The following ATP11B variants were observed in gnomAD, a reference collection of about 807,000 sequenced individuals.
The protein encoded by ATP11B is phospholipid-transporting ATPase IF.
In ATP11B, 81 loss-of-function variants were observed where a neutral mutation model predicts 157.8. That is an observed-to-expected ratio of 0.51 (90% CI 0.43 to 0.62). The LOEUF (loss-of-function observed/expected upper bound fraction) is 0.62. Among genes scored for constraint, ATP11B ranks in the 20% least tolerant of loss-of-function variants. The pLI is 0.00. For missense variants in ATP11B, 1,165 were observed against 1,402.2 expected (o/e 0.83, Z 2.70); for synonymous variants, 451 against 469.4 (o/e 0.96, Z 0.51).
chr3:182,819,873 G>T (rs546507427), intron 1 of ATP11B, among the ~76,000 whole-genome samples: 2 of 152,292 alleles, frequency 1.3e-5, no homozygotes, highest in African/African-American at 4.8e-5. Context: ...AAGGAATGCA[G>T]TAGGGATAGA....
chr3:182,847,788 T>C (rs1247082883), intron 9 of ATP11B, among the ~76,000 whole-genome samples: 1 of 152,188 alleles, frequency 6.6e-6, no homozygotes, highest in Non-Finnish European at 1.5e-5. Flanking sequence ...CAGAAATTAC[T>C]TACCCGAGGA....
Position 182,827,741 on chromosome 3 carries a change from T to A in ATP11B, c.145-379T>A, listed in dbSNP as rs78254315. Among the ~76,000 whole-genome samples, 1,392 of 152,008 alleles carry A rather than the reference T, an allele frequency of 9.2e-3. 23 individuals are homozygous for A. The highest frequency in any genetic ancestry group is 0.032 in the African/African-American group (1,330 of 41,486). On this transcript the variant is annotated intron_variant, in intron 2 of 29. Coordinates refer to ENST00000323116, the MANE Select transcript of ATP11B (RefSeq NM_014616.3). ...ATATAAATTGTATCTAGTATCTGCA[T>A]TTCTATCAACTCATATTTATCTTTA...
At chr3:182,863,462 A>C (rs942621100) in intron 12 of ATP11B, among the ~76,000 whole-genome samples, 7 of 151,960 alleles carry the variant, frequency 4.6e-5, no homozygotes, top group African/African-American at 1.7e-4. Flanking sequence ...GTCTTTAAGA[A>C]ACTTCTGGTG....
In ATP11B at chr3:182,797,541, C is replaced by G. The variant is rs1023543178; in HGVS notation, c.27+3755C>G. Among the ~76,000 whole-genome samples, 5 of 152,176 alleles carry G rather than the reference C, an allele frequency of 3.3e-5. No homozygotes were observed. In the South Asian group the frequency reaches 1.0e-3, roughly 32 times the overall value. ...TGGCCAACATGGTGAAACCTCATCTCTACTAAAAATCCGAAAATTTGCCTG... is the reference window on the plus strand; with the variant it reads ...TGGCCAACATGGTGAAACCTCATCTGTACTAAAAATCCGAAAATTTGCCTG... On this transcript the variant is annotated intron_variant, in intron 1 of 29. Coordinates refer to ENST00000323116, the MANE Select transcript of ATP11B (RefSeq NM_014616.3).
intron 17 of ATP11B, among the ~76,000 whole-genome samples, chr3:182,869,717 A>G (rs1232293111): frequency 6.6e-6 from 1 of 152,258 alleles, no homozygotes; most frequent in Non-Finnish European, 1.5e-5. Context: ...AAAGGTAAAC[A>G]TTGAGTTACT....
At position 182,898,721 on chromosome 3, in the gene ATP11B, A is replaced by T. The variant is rs760923830; in HGVS notation, c.3267A>T (p.Ile1089=). 1 of 1,596,346 alleles carries T rather than the reference A, an allele frequency of 6.3e-7. No homozygotes were observed. The highest frequency in any genetic ancestry group is 8.5e-7 in the Non-Finnish European group (1 of 1,171,500). The change falls in exon 28 of 30, where the codon ATA becomes ATT. Residue 1089 remains isoleucine (I), a synonymous_variant. Transcript: ENST00000323116. ...TTACATGTCTATTTCTTGATATCATAAAGAAGGTCTTTGACCGACACCTCC... is the reference window on the plus strand; with the variant it reads ...TTACATGTCTATTTCTTGATATCATTAAGAAGGTCTTTGACCGACACCTCC... ...MVVTCLFLDI[I]KKVFDRHLHP...
At chr3:182,882,844 C>T (rs958281802) in intron 21 of ATP11B, among the ~76,000 whole-genome samples, 3 of 151,994 alleles carry the variant, frequency 2.0e-5, no homozygotes, top group Non-Finnish European at 2.9e-5. Context: ...ATAAGAAAAA[C>T]GTTCCAGTAG....
intron 7 of ATP11B, 98 bp from the exon 8 acceptor site, chr3:182,841,977 C>CAAAAAAAAAAAAAAAAAAAAAAAAAA (rs11401208): frequency 3.0e-6 from 1 of 330,608 alleles, no homozygotes; most frequent in Non-Finnish European, 5.0e-6. Context: ...AGACTCGTCT[C>CAAAAAAAAAAAAAAAAAAAAAAAAAA]AAAAAAAAAA....
intron 28 of ATP11B, chr3:182,908,361 A>G (rs887848687): frequency 6.6e-6 from 1 of 151,594 alleles, no homozygotes; most frequent in African/African-American, 2.4e-5. Flanking sequence ...ACACGCAGCT[A>G]ATTTTTGTAT....
chr3:182,898,635 T>G lies in ATP11B; in HGVS notation c.3181T>G (p.Phe1061Val). Residue 1061 changes from phenylalanine (F) to valine (V), a missense_variant, in exon 28 of 30, where the codon TTT becomes GTT. By Grantham distance (50) the Phe-to-Val change is conservative. Transcript: ENST00000323116. ...WPFLGSQNMY[F>V]VFIQLLSSGS... The stretch of plus-strand genomic sequence containing the variant: ...ATTTTTGGGCTCCCAGAATATGTAT[T>G]TTGTGTTTATTCAGCTCCTGTCAAG... 1 of 1,605,524 alleles carries G rather than the reference T, an allele frequency of 6.2e-7. No homozygotes were observed. Among genetic ancestry groups the G allele is most frequent in the Non-Finnish European group, 8.5e-7 (1 of 1,176,288 alleles).
At chr3:182,837,702 TATTC>T (rs1718662391) in intron 7 of ATP11B, among the ~76,000 whole-genome samples, 1 of 152,072 alleles carries the variant, frequency 6.6e-6, no homozygotes, top group Non-Finnish European at 1.5e-5. Context: ...CAGAAACTAT[TATTC>T]ATCTTATTAT....
intron 10 of ATP11B, among the ~76,000 whole-genome samples, chr3:182,857,641 A>T (rs572638532): frequency 6.6e-6 from 1 of 152,152 alleles, no homozygotes; most frequent in African/African-American, 2.4e-5. Flanking sequence ...AACATTTTTA[A>T]TGGTAACATG....
intron 28 of ATP11B, chr3:182,906,044 T>A (rs1724326559): frequency 3.1e-6 from 1 of 321,008 alleles, no homozygotes; most frequent in Non-Finnish European, 6.3e-6. Context: ...TCCTCATATG[T>A]TGTTTTAGTT....
chr3:182,831,645 T>G (rs1200823539), intron 4 of ATP11B, among the ~76,000 whole-genome samples: 1 of 151,964 alleles, frequency 6.6e-6, no homozygotes, highest in Non-Finnish European at 1.5e-5. Flanking sequence ...GTAAGCATGC[T>G]CCTATCTCAA....
intron 21 of ATP11B, among the ~76,000 whole-genome samples, chr3:182,884,133 G>A (rs1722638534): frequency 6.6e-6 from 1 of 151,736 alleles, no homozygotes; most frequent in Admixed American, 6.6e-5. Context: ...TAAAAACTTG[G>A]CAATGACTCT....
At chr3:182,859,130 T>C (rs1720639737) in intron 11 of ATP11B, 32 bp from the exon 12 acceptor site, 1 of 1,515,244 alleles carries the variant, frequency 6.6e-7, no homozygotes, top group Non-Finnish European at 9.0e-7. Context: ...AGTTTATTTT[T>C]TCTTTTCAAA....
chr3:182,903,340 T>G (rs1314606974), intron 28 of ATP11B, among the ~76,000 whole-genome samples: 3 of 152,164 alleles, frequency 2.0e-5, no homozygotes, highest in East Asian at 3.8e-4. Context: ...TTTAAATTAT[T>G]TTTTATTCTC....
In ATP11B at chr3:182,846,298, GA is replaced by G. The variant is rs78436523; in HGVS notation, c.769+789del. 8.2e-3 allele frequency among the ~76,000 whole-genome samples: 1,125 copies of G among 137,292 alleles called. 11 individuals are homozygous for G. The highest frequency in any genetic ancestry group is 0.027 in the African/African-American group (1,012 of 37,572). 90.1% of individuals were successfully genotyped at this position (137,292 alleles called of 152,430 possible). A position where few individuals can be genotyped will look rare whatever the true frequency, so the allele number is the denominator to read the frequency against. On this transcript the variant is annotated intron_variant, in intron 9 of 29. Coordinates refer to ENST00000323116, the MANE Select transcript of ATP11B (RefSeq NM_014616.3). ...TCTGATAAAGAAGTCCATATGTCGA[GA>G]AAAAAAAAAAAACACAAAATAGCAA...
chr3:182,866,450 T>C lies in ATP11B; in HGVS notation c.1619+7T>C. On this transcript the variant is annotated splice_region_variant and intron_variant, in intron 14 of 29. Coordinates refer to ENST00000323116, the MANE Select transcript of ATP11B (RefSeq NM_014616.3). ...TAGTAGAAGCTGCTGCAAGGTAATT[T>C]AGTCTGATTTCCAAATCTTCGGAAA... 4 of 1,577,480 alleles carry C rather than the reference T, an allele frequency of 2.5e-6. No homozygotes were observed. The highest frequency in any genetic ancestry group is 3.5e-6 in the Non-Finnish European group (4 of 1,157,246).
Sources: gnomAD v4.1 joint callset for allele counts (sites outside exome capture counted in the v4.1 genomes callset) on GRCh38, gnomAD v4.1.1 for gene constraint, MANE v1.5 for transcripts, NCBI Gene and HGNC (gene_info 2026-07-23, HGNC 2026-07-21) for gene names.